The following LINGO2 variants were observed in gnomAD, a reference collection of about 807,000 sequenced individuals.
LINGO2 encodes leucine-rich repeat and immunoglobulin-like domain-containing nogo receptor-interacting protein 2.
In LINGO2, 14 loss-of-function variants were observed where a neutral mutation model predicts 30.6. The ratio of observed to expected loss-of-function variants is 0.46; its 90% confidence interval spans 0.30 to 0.72. LINGO2 has a LOEUF of 0.72. Among genes scored for constraint, LINGO2 ranks in the 30% least tolerant of loss-of-function variants. The probability of loss-of-function intolerance (pLI) is 0.07; values close to 1 mark genes in which losing one functional copy is unlikely to be tolerated. For synonymous variants in LINGO2, 317 were observed against 288.5 expected (o/e 1.10, Z -1.00); for missense variants, 729 against 751.7 (o/e 0.97, Z 0.35).
intron 2 of LINGO2, among the ~76,000 whole-genome samples, chr9:28,398,831 G>A (rs1243145479): frequency 6.6e-6 from 1 of 152,232 alleles, no homozygotes. Context: ...GCATGCAAAT[G>A]GTGTCTAGGA....
intron 4 of LINGO2, among the ~76,000 whole-genome samples, chr9:28,251,115 C>T (rs371459104): frequency 4.6e-5 from 7 of 152,200 alleles, no homozygotes; most frequent in African/African-American, 1.7e-4. Flanking sequence ...CTCCCCCTGC[C>T]CTTTGCTTAG....
chr9:28,967,556 A>G, the LINGO2 span, among the ~76,000 whole-genome samples: 1 of 152,100 alleles, frequency 6.6e-6, no homozygotes, highest in Admixed American at 6.6e-5. Flanking sequence ...GTTGCATGGG[A>G]TGATCATGTT....
At chr9:28,363,635 A>C (rs1208166765) in intron 3 of LINGO2, among the ~76,000 whole-genome samples, 1 of 152,170 alleles carries the variant, frequency 6.6e-6, no homozygotes, top group Non-Finnish European at 1.5e-5. Flanking sequence ...CCCACCAATC[A>C]GCGGAGTCAC....
intron 1 of LINGO2, among the ~76,000 whole-genome samples, chr9:28,626,005 C>G (rs979306149): frequency 2.8e-5 from 4 of 141,002 alleles, no homozygotes; most frequent in South Asian, 4.3e-4. Context: ...CAAAACAAAA[C>G]AAAACAAAAA....
At chr9:29,141,235 C>A in the LINGO2 span, among the ~76,000 whole-genome samples, 1 of 151,862 alleles carries the variant, frequency 6.6e-6, no homozygotes, top group Non-Finnish European at 1.5e-5. Context: ...ATAAAATATT[C>A]TAATGGACAC....
intron 4 of LINGO2, among the ~76,000 whole-genome samples, chr9:28,255,053 C>T (rs1222386300): frequency 2.0e-5 from 3 of 151,998 alleles, no homozygotes; most frequent in African/African-American, 7.2e-5. Flanking sequence ...ACTAGAGTTC[C>T]TTTGTTACTT....
intron 4 of LINGO2, among the ~76,000 whole-genome samples, chr9:28,123,012 T>A (rs1827141204): frequency 6.6e-6 from 1 of 152,228 alleles, no homozygotes; most frequent in Non-Finnish European, 1.5e-5. Flanking sequence ...ATTTGTTGGT[T>A]TTCTATCTTT....
At chr9:28,635,578 A>G (rs1827220384) in intron 1 of LINGO2, among the ~76,000 whole-genome samples, 1 of 152,154 alleles carries the variant, frequency 6.6e-6, no homozygotes, top group Non-Finnish European at 1.5e-5. Context: ...GGAGGTTAAA[A>G]CAAGACAGAA....
chr9:28,133,137 TG>T (rs1221248859), intron 4 of LINGO2, among the ~76,000 whole-genome samples: 5 of 152,290 alleles, frequency 3.3e-5, no homozygotes, highest in African/African-American at 9.6e-5. Context: ...TGAACAAAAT[TG>T]CTGAAGAAAG....
chr9:29,017,477 A>G, the LINGO2 span, among the ~76,000 whole-genome samples: 2 of 152,164 alleles, frequency 1.3e-5, no homozygotes, highest in Non-Finnish European at 2.9e-5. Context: ...TACTGACAGT[A>G]GTAATAGCAA....
chr9:28,745,522 T>C, the LINGO2 span, among the ~76,000 whole-genome samples: 485 of 152,196 alleles, frequency 3.2e-3, 6 homozygotes, highest in African/African-American at 0.011. Flanking sequence ...CAGTTTGTTC[T>C]TAGGAAAATT....
the LINGO2 span, among the ~76,000 whole-genome samples, chr9:29,160,328 G>T: frequency 6.6e-6 from 1 of 152,092 alleles, no homozygotes; most frequent in African/African-American, 2.4e-5. Context: ...ACAACACTTG[G>T]GTCAAATGTT....
the LINGO2 span, among the ~76,000 whole-genome samples, chr9:29,102,066 G>C: frequency 2.0e-5 from 3 of 150,902 alleles, no homozygotes; most frequent in Non-Finnish European, 2.9e-5. Context: ...CTTTTCTTAA[G>C]TCTGTTAACA....
At chr9:28,794,168 G>C in the LINGO2 span, among the ~76,000 whole-genome samples, 72 of 152,284 alleles carry the variant, frequency 4.7e-4, no homozygotes, top group African/African-American at 1.6e-3. Context: ...GCCGGGCGTG[G>C]CGGCGGGCGC....
At chr9:29,190,944 G>A in the LINGO2 span, among the ~76,000 whole-genome samples, 4 of 152,090 alleles carry the variant, frequency 2.6e-5, no homozygotes, top group African/African-American at 7.2e-5. Flanking sequence ...GATCAACATC[G>A]AAGAGAAAGT....
chr9:28,324,728 G>A (rs1261219677), intron 3 of LINGO2, among the ~76,000 whole-genome samples: 1 of 152,092 alleles, frequency 6.6e-6, no homozygotes, highest in Non-Finnish European at 1.5e-5. Context: ...CTCAGGTCCA[G>A]GAATTGGCCA....
chr9:29,011,440 C>T, the LINGO2 span, among the ~76,000 whole-genome samples: 1 of 151,924 alleles, frequency 6.6e-6, no homozygotes, highest in Non-Finnish European at 1.5e-5. Context: ...ACAAGCCTAA[C>T]TCAGTTTGCC....
rs111851787 is a variant in LINGO2, at chr9:28,035,893, A to AACACACAC, written c.-86-23496_-86-23489dup. On this transcript the variant is annotated intron_variant, in intron 4 of 5. Transcript: ENST00000379992. ...AATGATAGCAGAACACACACACACA[A>AACACACAC]ACACACACACACACACACACACATG... is the stretch of plus-strand genomic sequence containing the variant. 8.7e-5 allele frequency among the ~76,000 whole-genome samples: 13 copies of AACACACAC among 149,302 alleles called. 1 individual carries two copies. Among genetic ancestry groups the AACACACAC allele is most frequent in the African/African-American group, 2.2e-4 (9 of 40,698 alleles).
At chr9:28,470,547 G>A (rs918973934) in intron 2 of LINGO2, among the ~76,000 whole-genome samples, 4 of 152,084 alleles carry the variant, frequency 2.6e-5, no homozygotes, top group Admixed American at 6.6e-5. Context: ...CTGCCCTCCT[G>A]GATCATTTTC....
Sources: gnomAD v4.1 joint callset for allele counts (sites outside exome capture counted in the v4.1 genomes callset) on GRCh38, gnomAD v4.1.1 for gene constraint, MANE v1.5 for transcripts, NCBI Gene and HGNC (gene_info 2026-07-23, HGNC 2026-07-21) for gene names.